The following ADGRA2 variants were observed in gnomAD, a reference collection of about 807,000 sequenced individuals.
The protein encoded by ADGRA2 is G-protein coupled receptor 124.
Under a neutral mutation model 98.7 loss-of-function variants are expected in ADGRA2, and 61 were observed. The observed-to-expected ratio is 0.62, with a 90% CI of 0.50 to 0.76. The LOEUF is 0.76. Ranked by LOEUF, ADGRA2 falls within the 30% of genes least tolerant of loss-of-function variation. The pLI is 0.00. For missense variants in ADGRA2, 1,712 were observed against 1,860.0 expected (o/e 0.92, Z 1.46); for synonymous variants, 858 against 831.5 (o/e 1.03, Z -0.55).
In ADGRA2 at chr8:37,840,856, A is replaced by G; in HGVS notation, c.2747+7A>G. 2.7e-6 allele frequency: 4 copies of G among 1,483,272 alleles called. No homozygotes were observed. Among genetic ancestry groups the G allele is most frequent in the Admixed American group, 3.4e-5 (2 of 58,762 alleles). 91.9% of individuals were successfully genotyped at this position (1,483,272 alleles called of 1,614,324 possible). ...ACCGGGACCACAGCCCCTAGTGAGC[A>G]CCCCTCCCTCCCGCCCCAAGCCTAC... is the stretch of plus-strand genomic sequence containing the variant. On this transcript the variant is annotated splice_region_variant and intron_variant, in intron 18 of 18. Transcript: ENST00000412232.
At chr8:37,810,188 T>C (rs1432261490) in intron 1 of ADGRA2, among the ~76,000 whole-genome samples, 3 of 151,636 alleles carry the variant, frequency 2.0e-5, no homozygotes, top group South Asian at 2.1e-4. Flanking sequence ...TATATATATA[T>C]ACACACACAC....
At chr8:37,816,550 C>T (rs1170876485) in intron 2 of ADGRA2, among the ~76,000 whole-genome samples, 1 of 151,594 alleles carries the variant, frequency 6.6e-6, no homozygotes, top group Non-Finnish European at 1.5e-5. Flanking sequence ...TGAGATTGCG[C>T]CACTGCACTC....
At chr8:37,808,139 C>T (rs933154696) in intron 1 of ADGRA2, among the ~76,000 whole-genome samples, 1 of 152,224 alleles carries the variant, frequency 6.6e-6, no homozygotes, top group African/African-American at 2.4e-5. Flanking sequence ...GGTGTGCCCC[C>T]TCTCTCTGGC....
intron 2 of ADGRA2, among the ~76,000 whole-genome samples, chr8:37,818,637 G>A (rs1173433733): frequency 6.6e-6 from 1 of 152,228 alleles, no homozygotes; most frequent in African/African-American, 2.4e-5. Flanking sequence ...TGCTCACTGA[G>A]CCCTTCTATG....
chr8:37,835,739 CG>C lies in ADGRA2; in HGVS notation c.2020del (p.Val674TrpfsTer18). On this transcript the variant is annotated frameshift_variant, in exon 13 of 19. Coordinates refer to ENST00000412232, the MANE Select transcript of ADGRA2 (RefSeq NM_032777.10). LOFTEE classifies it high-confidence loss of function. ...GAAGPGKRRG[V>X]ATPVIFAGTS... Reference sequence around the variant, plus strand: ...CTGCTGGGCCTGGCAAGAGGCGTGGCGTGGCCACCCCCGTCATCTTCGCAGG... The same window carrying C: ...CTGCTGGGCCTGGCAAGAGGCGTGGCTGGCCACCCCCGTCATCTTCGCAGG... The C allele has an allele frequency of 6.2e-7, 1 of 1,613,216 alleles. No homozygotes were observed. Among genetic ancestry groups the C allele is most frequent in the Non-Finnish European group, 8.5e-7 (1 of 1,179,502 alleles).
In ADGRA2 at chr8:37,814,664, G is replaced by C. The variant is rs966746064; in HGVS notation, c.267-232G>C. On this transcript the variant is annotated intron_variant, in intron 1 of 18. Coordinates refer to ENST00000412232, the MANE Select transcript of ADGRA2 (RefSeq NM_032777.10). The surrounding 1 kb of genome is among the most constrained non-coding windows in gnomAD (Gnocchi z 4.3). ...CTCCCACCTGCACACAGAGCCCCAC[G>C]TCAGAGCCAGGCTTGGAGGAGACTC... 1.3e-5 allele frequency among the ~76,000 whole-genome samples: 2 copies of C among 152,186 alleles called. No homozygotes were observed. Among genetic ancestry groups the C allele is most frequent in the Non-Finnish European group, 2.9e-5 (2 of 68,040 alleles).
Position 37,835,588 on chromosome 8 carries a change from C to T in ADGRA2, c.1868C>T (p.Pro623Leu), listed in dbSNP as rs370919357. 23 of 1,613,552 alleles carry T rather than the reference C, an allele frequency of 1.4e-5. No individual in the cohort carries two copies. Among genetic ancestry groups the T allele is most frequent in the Admixed American group, 3.3e-5 (2 of 60,018 alleles). The change falls in exon 13 of 19, where the codon CCG (proline) becomes CTG (leucine). Residue 623 changes from proline (P) to leucine (L), a missense_variant. Coordinates refer to ENST00000412232, the MANE Select transcript of ADGRA2 (RefSeq NM_032777.10). ...SVALASIQLP[P>L]SLFSSLPAAL... ...GCCCTGGCCTCCATCCAGCTGCCCC[C>T]GAGTCTATTCTCATCCCTTCCGGCT...
chr8:37,799,946 G>A (rs1223788452), intron 1 of ADGRA2, among the ~76,000 whole-genome samples: 1 of 152,062 alleles, frequency 6.6e-6, no homozygotes, highest in South Asian at 2.1e-4. Flanking sequence ...AGCTGGCTTC[G>A]GAAAGAAAAA....
chr8:37,841,431 C>T lies in ADGRA2; in HGVS notation c.3093C>T (p.Ala1031=). The change falls in exon 19 of 19, where the codon GCC becomes GCT. Residue 1031 remains alanine, a synonymous_variant. Coordinates refer to ENST00000412232, the MANE Select transcript of ADGRA2 (RefSeq NM_032777.10). This position sits in a 1 kb window ranked among gnomAD's most constrained non-coding sequence, Gnocchi z 5.0. ...ALVTTHFLYL[A]MWACGALAVS... is the part of the protein sequence containing the mutation. ...TGACCACGCACTTCCTGTACTTGGC[C>T]ATGTGGGCCTGCGGGGCTCTGGCAG... 1.2e-6 allele frequency: 2 copies of T among 1,612,996 alleles called. No homozygotes were observed. The highest frequency in any genetic ancestry group is 1.7e-6 in the Non-Finnish European group (2 of 1,179,824).
chr8:37,797,417 G>A lies in ADGRA2; in HGVS notation c.149G>A (p.Arg50Gln). Reference sequence around the variant, plus strand: ...CGCAGCTGCAAGTGCTCGGGGGAGCGGCCCAAGGGGCTGAGCGGCGGCGTC... The same window carrying A: ...CGCAGCTGCAAGTGCTCGGGGGAGCAGCCCAAGGGGCTGAGCGGCGGCGTC... The part of the protein sequence containing the change: ...SIRSCKCSGE[R>Q]PKGLSGGVPG... The change falls in exon 1 of 19, where the codon CGG (arginine) becomes CAG (glutamine). Residue 50 changes from arginine to glutamine, a missense_variant. Physicochemically the swap from Arg to Gln is conservative, Grantham distance 43. Transcript: ENST00000412232. The surrounding 1 kb of genome is among the most constrained non-coding windows in gnomAD (Gnocchi z 5.3). 2 of 1,419,552 alleles carry A rather than the reference G, an allele frequency of 1.4e-6. No individual in the cohort carries two copies. The highest frequency in any genetic ancestry group is 9.2e-7 in the Non-Finnish European group (1 of 1,084,784). 87.9% of individuals were successfully genotyped at this position (1,419,552 alleles called of 1,614,324 possible).
Position 37,841,996 on chromosome 8 carries a change from G to C in ADGRA2, c.3658G>C (p.Gly1220Arg), listed in dbSNP as rs1395633188. The C allele has an allele frequency of 6.6e-7, 1 of 1,512,908 alleles. No homozygotes were observed. Among genetic ancestry groups the C allele is most frequent in the Non-Finnish European group, 8.8e-7 (1 of 1,138,388 alleles). 93.7% of individuals were successfully genotyped at this position (1,512,908 alleles called of 1,614,324 possible). The part of the protein sequence containing the change: ...GALELLSSES[G>R]SLHNSPTDSY... ...GCTGGAGCTGCTGTCCAGCGAGAGC[G>C]GCAGTCTGCACAACAGCCCCACCGA... Residue 1220 changes from glycine to arginine, a missense_variant, in exon 19 of 19, where the codon GGC becomes CGC. Transcript: ENST00000412232. This position sits in a 1 kb window ranked among gnomAD's most constrained non-coding sequence, Gnocchi z 5.0.
Position 37,829,247 on chromosome 8 carries a change from C to T in ADGRA2, c.411-14C>T, listed in dbSNP as rs368700313. 6.2e-7 allele frequency: 1 copy of T among 1,610,846 alleles called. No homozygotes were observed. Among genetic ancestry groups the T allele is most frequent in the South Asian group, 1.1e-5 (1 of 90,974 alleles). On this transcript the variant is annotated splice_polypyrimidine_tract_variant and intron_variant, in intron 3 of 18. Coordinates refer to ENST00000412232, the MANE Select transcript of ADGRA2 (RefSeq NM_032777.10). ...CACGTGGCCAACATGCTGAGGTTGC[C>T]TGTGTCTCTCTAGAGATCTCTCCAA...
At chr8:37,827,381 G>C (rs529008846) in intron 2 of ADGRA2, among the ~76,000 whole-genome samples, 8 of 152,372 alleles carry the variant, frequency 5.3e-5, no homozygotes, top group Middle Eastern at 3.4e-3. Flanking sequence ...TGTGGGGTTA[G>C]GGCAGGCAGA....
chr8:37,824,649 C>T (rs905129122), intron 2 of ADGRA2, among the ~76,000 whole-genome samples: 4 of 151,898 alleles, frequency 2.6e-5, no homozygotes, highest in Non-Finnish European at 5.9e-5. Context: ...CTCCCGCCAC[C>T]ACACACGGCT....
rs1019574544 is a variant in ADGRA2 at position 37,842,210 on chromosome 8, A to G, written c.3872A>G (p.His1291Arg). The G allele has an allele frequency of 1.1e-4, 164 of 1,545,952 alleles. No individual in the cohort carries two copies. Among genetic ancestry groups the G allele is most frequent in the Non-Finnish European group, 1.3e-4 (148 of 1,145,840 alleles). Reference protein sequence around the residue: ...KGGGALEKESHRRSYPLNAAS... With the variant: ...KGGGALEKESRRRSYPLNAAS... ...GGCGGCGCGCTGGAGAAGGAGAGCC[A>G]TCGCCGCTCGTACCCGCTCAACGCC... is the stretch of plus-strand genomic sequence containing the variant. The change falls in exon 19 of 19, where the codon CAT becomes CGT. Residue 1291 changes from histidine (H) to arginine (R), a missense_variant. By Grantham distance (29) the His-to-Arg change is conservative (BLOSUM62 0). Coordinates refer to ENST00000412232, the MANE Select transcript of ADGRA2 (RefSeq NM_032777.10).
intron 2 of ADGRA2, among the ~76,000 whole-genome samples, chr8:37,820,238 G>A (rs776759541): frequency 3.9e-5 from 6 of 152,154 alleles, no homozygotes; most frequent in East Asian, 1.9e-4. Flanking sequence ...CCTGCACAGC[G>A]ACATCTAGAT....
chr8:37,841,066 T>C lies in ADGRA2; in HGVS notation c.2748-20T>C. 8.0e-7 allele frequency: 1 copy of C among 1,250,130 alleles called. No homozygotes were observed. Among genetic ancestry groups the C allele is most frequent in the South Asian group, 1.2e-5 (1 of 80,402 alleles). The allele number at this position is 1,250,130 out of a possible 1,614,324, so 77.4% of individuals were successfully genotyped here. ...CAGCCATGCCCCCTGTCCTCATCAC[T>C]GCTTCTGTGTCTCCTACAGCTGCTG... On this transcript the variant is annotated intron_variant, in intron 18 of 18. Transcript: ENST00000412232. This position sits in a 1 kb window ranked among gnomAD's most constrained non-coding sequence, Gnocchi z 5.0.
intron 2 of ADGRA2, among the ~76,000 whole-genome samples, chr8:37,820,185 A>G (rs1805091598): frequency 6.6e-6 from 1 of 152,182 alleles, no homozygotes; most frequent in African/African-American, 2.4e-5. Context: ...TCTCCTTCAC[A>G]TGAGGTCAGC....
At chr8:37,832,730 G>A (rs572121504) in intron 8 of ADGRA2, among the ~76,000 whole-genome samples, 15 of 152,184 alleles carry the variant, frequency 9.9e-5, no homozygotes, top group Non-Finnish European at 1.9e-4. Flanking sequence ...AGAATACTGA[G>A]GCCGAGAAAG....
Sources: gnomAD v4.1 joint callset for allele counts (sites outside exome capture counted in the v4.1 genomes callset) on GRCh38, gnomAD v4.1.1 for gene constraint, Gnocchi (gnomAD v3.1) non-coding constraint, MANE v1.5 for transcripts, NCBI Gene and HGNC (gene_info 2026-07-23, HGNC 2026-07-21) for gene names.